Variants in CFDP1 observed in about 807,000 individuals in gnomAD.
CFDP1 encodes the protein chromatin remodeling protein CFDP1.
A neutral mutation model predicts 40.1 loss-of-function variants in CFDP1; 31 were observed. That is an observed-to-expected ratio of 0.77 (90% confidence interval 0.58 to 1.04). The LOEUF (loss-of-function observed/expected upper bound fraction) is 1.04. CFDP1 is among the 50% of genes least tolerant of loss of function. The pLI, the probability that CFDP1 is intolerant of heterozygous loss-of-function variation, is 0.00. For synonymous variants in CFDP1, 167 were observed against 120.0 expected, an observed-to-expected ratio of 1.39 and a Z score of -2.56; for missense variants, 423 against 343.4, an observed-to-expected ratio of 1.23 and a Z score of -1.83.
At chr16:75,415,741 G>T (rs997301699) in intron 1 of CFDP1, among the ~76,000 whole-genome samples, 4 of 152,170 alleles carry the variant, frequency 2.6e-5, no homozygotes, top group Non-Finnish European at 5.9e-5. Context: ...GTGTGTCATT[G>T]TATGACTATA....
intron 5 of CFDP1, among the ~76,000 whole-genome samples, chr16:75,383,391 A>G (rs1279065000): frequency 6.6e-6 from 1 of 152,246 alleles, no homozygotes; most frequent in African/African-American, 2.4e-5. Flanking sequence ...AACTTTAATC[A>G]GAACATAAAA....
At chr16:75,296,917 G>C (rs1057500741) in intron 6 of CFDP1, among the ~76,000 whole-genome samples, 11 of 152,194 alleles carry the variant, frequency 7.2e-5, no homozygotes, top group African/African-American at 2.7e-4. Context: ...CCACTGCCAA[G>C]AGACAGAAAA....
chr16:75,356,317 G>A (rs2078643688), intron 5 of CFDP1, among the ~76,000 whole-genome samples: 1 of 152,198 alleles, frequency 6.6e-6, no homozygotes, highest in African/African-American at 2.4e-5. Context: ...CAGAATGGAT[G>A]TTAACAGTAA....
intron 5 of CFDP1, among the ~76,000 whole-genome samples, chr16:75,332,869 G>A (rs533431891): frequency 2.0e-5 from 3 of 146,476 alleles, no homozygotes; most frequent in Admixed American, 6.9e-5. Context: ...GTACAGTGGC[G>A]CGATCCCAGC....
chr16:75,411,274 G>A (rs1005861988), intron 4 of CFDP1, among the ~76,000 whole-genome samples: 7 of 151,956 alleles, frequency 4.6e-5, no homozygotes, highest in Non-Finnish European at 8.8e-5. Context: ...GTATGGTGGC[G>A]TGTGCCTGTA....
intron 1 of CFDP1, among the ~76,000 whole-genome samples, chr16:75,420,308 C>T (rs183962375): frequency 6.6e-6 from 1 of 152,218 alleles, no homozygotes; most frequent in Non-Finnish European, 1.5e-5. Flanking sequence ...TCTTCTGATG[C>T]TATTCAAACA....
intron 5 of CFDP1, among the ~76,000 whole-genome samples, chr16:75,319,678 GC>G (rs2078348775): frequency 6.6e-6 from 1 of 152,078 alleles, no homozygotes; most frequent in South Asian, 2.1e-4. Flanking sequence ...ATCCCAACCT[GC>G]CCCTCTTCCT....
chr16:75,412,594 C>T lies in CFDP1; in HGVS notation c.343G>A (p.Ala115Thr), dbSNP rs781364447. The T allele has an allele frequency of 6.2e-7, 1 of 1,614,160 alleles. No homozygotes were observed. Among genetic ancestry groups the T allele is most frequent in the Non-Finnish European group, 8.5e-7 (1 of 1,180,022 alleles). Residue 115 changes from alanine (A) to threonine (T), a missense_variant, in exon 3 of 7, where the codon GCC (alanine) becomes ACC (threonine). Coordinates refer to ENST00000283882, the MANE Select transcript of CFDP1 (RefSeq NM_006324.3). The stretch of plus-strand genomic sequence containing the variant: ...GGTCCCACATCATTGAGGAAGCTGG[C>T]CCAGAGTTCGTCCTCCTTCTTTTTC... The part of the protein sequence containing the change: ...ARKKKEDELW[A>T]SFLNDVGPKS...
chr16:75,348,766 T>C (rs75064326), intron 5 of CFDP1, among the ~76,000 whole-genome samples: 2,353 of 152,346 alleles, frequency 0.015, 58 homozygotes, highest in African/African-American at 0.053. Flanking sequence ...CATTAATTTC[T>C]TTGAACAGTA....
chr16:75,373,476 C>T (rs533251030), intron 5 of CFDP1, among the ~76,000 whole-genome samples: 1 of 152,172 alleles, frequency 6.6e-6, no homozygotes, highest in African/African-American at 2.4e-5. Flanking sequence ...ATATAAATGT[C>T]GCTAAGATAA....
In CFDP1 at chr16:75,303,400, A is replaced by AATGAATGTATGTATGTATGTATGTATGT. The variant is rs55834001; in HGVS notation, c.809+1623_809+1624insACATACATACATACATACATACATTCAT. Among the ~76,000 whole-genome samples the AATGAATGTATGTATGTATGTATGTATGT allele has an allele frequency of 2.7e-3, 402 of 146,236 alleles. 5 individuals are homozygous for AATGAATGTATGTATGTATGTATGTATGT. The highest frequency in any genetic ancestry group is 0.02 in the East Asian group (99 of 5,026). On this transcript the variant is annotated intron_variant, in intron 6 of 6. Transcript: ENST00000283882. ...AAATAAATAAATAAATAAATAAATA[A>AATGAATGTATGTATGTATGTATGTATGT]ATGTATGTATGTATGTATGTATGTA...
chr16:75,369,116 T>C (rs1243973309), intron 5 of CFDP1, among the ~76,000 whole-genome samples: 2 of 152,114 alleles, frequency 1.3e-5, no homozygotes, highest in African/African-American at 2.4e-5. Context: ...AAGTGTAATA[T>C]GTGTAAATGA....
At chr16:75,379,411 A>T (rs559646020) in intron 5 of CFDP1, among the ~76,000 whole-genome samples, 1 of 152,186 alleles carries the variant, frequency 6.6e-6, no homozygotes, top group Non-Finnish European at 1.5e-5. Context: ...CACTACAAGT[A>T]TCAAAAGGAT....
chr16:75,402,974 T>A (rs1456622501), intron 4 of CFDP1, among the ~76,000 whole-genome samples: 1 of 152,192 alleles, frequency 6.6e-6, no homozygotes, highest in African/African-American at 2.4e-5. Flanking sequence ...TTTTGAAATA[T>A]AAAATGTATG....
intron 5 of CFDP1, among the ~76,000 whole-genome samples, chr16:75,306,877 TCACACACACACACACACACACACACG>T (rs1686068629): frequency 7.4e-6 from 1 of 135,566 alleles, no homozygotes; most frequent in Admixed American, 7.1e-5. Context: ...GTGCGCGTGA[TCACACACACACACACACACACACACG>T]CACACACACA....
intron 5 of CFDP1, among the ~76,000 whole-genome samples, chr16:75,327,720 AATTATT>A (rs779034302): frequency 9.9e-5 from 15 of 151,904 alleles, no homozygotes; most frequent in Non-Finnish European, 1.5e-4. Context: ...GTCAACGCCA[AATTATT>A]ATTATTATTA....
At chr16:75,314,599 C>T (rs181287169) in intron 5 of CFDP1, among the ~76,000 whole-genome samples, 167 of 152,180 alleles carry the variant, frequency 1.1e-3, no homozygotes, top group African/African-American at 3.8e-3. Flanking sequence ...TACTAAAAGC[C>T]ATTTAATTAT....
At chr16:75,386,137 T>TA (rs528576218) in intron 5 of CFDP1, among the ~76,000 whole-genome samples, 72 of 147,248 alleles carry the variant, frequency 4.9e-4, no homozygotes, top group South Asian at 3.0e-3. Flanking sequence ...AAAGTAAAAT[T>TA]AAAAAAAAAA....
intron 5 of CFDP1, among the ~76,000 whole-genome samples, chr16:75,354,245 A>G (rs568556851): frequency 2.0e-4 from 30 of 152,294 alleles, no homozygotes; most frequent in African/African-American, 7.0e-4. Context: ...TTCAACGTAT[A>G]TTTTCAACTT....
Sources: allele counts gnomAD v4.1 joint callset (sites outside exome capture counted in the v4.1 genomes callset), GRCh38; gene constraint gnomAD v4.1.1; transcripts MANE v1.5; gene names NCBI Gene and HGNC (gene_info 2026-07-23, HGNC 2026-07-21).